The following EVA1A variants were observed in gnomAD, a reference collection of about 807,000 sequenced individuals.
The protein encoded by EVA1A is protein eva-1 homolog A.
In EVA1A, 7 loss-of-function variants were observed where a neutral mutation model predicts 9.8. That is an observed-to-expected ratio of 0.71 (90% CI 0.41 to 1.34). The LOEUF (loss-of-function observed/expected upper bound fraction) is 1.34. Ranked by LOEUF, EVA1A falls within the 40% of genes most tolerant of loss-of-function variation. The probability of loss-of-function intolerance (pLI) is 0.01; values close to 1 mark genes in which losing one functional copy is unlikely to be tolerated. For missense variants in EVA1A, 206 were observed against 205.9 expected, an observed-to-expected ratio of 1.00 and a Z score of 0.00; for synonymous variants, 90 against 85.6, an observed-to-expected ratio of 1.05 and a Z score of -0.28.
intron 3 of EVA1A, among the ~76,000 whole-genome samples, chr2:75,509,732 T>C (rs1674744156): frequency 6.6e-6 from 1 of 152,146 alleles, no homozygotes; most frequent in Non-Finnish European, 1.5e-5. Flanking sequence ...CTCACACCTA[T>C]TTTACAAAAA....
At chr2:75,530,636 A>G (rs1675613429) in intron 1 of EVA1A, among the ~76,000 whole-genome samples, 1 of 152,214 alleles carries the variant, frequency 6.6e-6, no homozygotes, top group Non-Finnish European at 1.5e-5. Context: ...ACATAAACAG[A>G]ATTAAAAACA....
intron 1 of EVA1A, among the ~76,000 whole-genome samples, chr2:75,567,129 G>A (rs774922725): frequency 2.0e-5 from 3 of 152,096 alleles, no homozygotes; most frequent in African/African-American, 7.2e-5. Context: ...TACATGGGCC[G>A]CAAAAAGTTG....
chr2:75,553,600 C>A lies in EVA1A; in HGVS notation c.-192+7080G>T, dbSNP rs115004920. Among the ~76,000 whole-genome samples the A allele has an allele frequency of 4.2e-3, 644 of 152,324 alleles. 7 individuals carry two copies. Among genetic ancestry groups the A allele is most frequent in the African/African-American group, 0.015 (613 of 41,584 alleles). On this transcript the variant is annotated intron_variant, in intron 1 of 3. Coordinates refer to ENST00000393913, the MANE Select transcript of EVA1A (RefSeq NM_001135032.2). ...GTTGGCAGCTTGAGCTGAGCAGACA[C>A]ACCAAGGCCACCAAGCTGTCTCTGT...
intron 3 of EVA1A, among the ~76,000 whole-genome samples, chr2:75,515,102 T>C (rs1208795901): frequency 6.6e-6 from 1 of 152,258 alleles, no homozygotes; most frequent in Non-Finnish European, 1.5e-5. Context: ...GTATTTCTTC[T>C]TTTGCAAACT....
At chr2:75,507,705 G>A (rs1674666510) in intron 3 of EVA1A, among the ~76,000 whole-genome samples, 1 of 152,058 alleles carries the variant, frequency 6.6e-6, no homozygotes, top group Non-Finnish European at 1.5e-5. Context: ...GCCCAAAACG[G>A]CCCTTCAGAA....
chr2:75,503,495 C>T lies in EVA1A; in HGVS notation c.86-9886G>A, dbSNP rs139284419. On this transcript the variant is annotated intron_variant, in intron 3 of 3. Coordinates refer to ENST00000393913, the MANE Select transcript of EVA1A (RefSeq NM_001135032.2). ...GTCCTGAAGCTAATTTCATTTGCACCCTCAGAGGTCAGATCATGCCCAACA... is the reference window on the plus strand; with the variant it reads ...GTCCTGAAGCTAATTTCATTTGCACTCTCAGAGGTCAGATCATGCCCAACA... Among the ~76,000 whole-genome samples, 295 of 152,244 alleles carry T rather than the reference C, an allele frequency of 1.9e-3. 1 individual carries two copies. The highest frequency in any genetic ancestry group is 6.7e-3 in the African/African-American group (279 of 41,530).
chr2:75,543,679 A>G (rs1676220932), intron 1 of EVA1A, among the ~76,000 whole-genome samples: 1 of 152,080 alleles, frequency 6.6e-6, no homozygotes, highest in Admixed American at 6.6e-5. Flanking sequence ...GGCGGCTTCT[A>G]CCTGAGACCT....
intron 1 of EVA1A, among the ~76,000 whole-genome samples, chr2:75,539,133 T>G (rs1676022982): frequency 6.6e-6 from 1 of 152,212 alleles, no homozygotes; most frequent in Non-Finnish European, 1.5e-5. Flanking sequence ...AATCTGCACA[T>G]TAAATCTTGA....
rs1320237587 is a variant in EVA1A, at chr2:75,518,049, C to A, written c.85+7G>T. 3 of 1,613,740 alleles carry A rather than the reference C, an allele frequency of 1.9e-6. No individual in the cohort carries two copies. Among genetic ancestry groups the A allele is most frequent in the African/African-American group, 1.3e-5 (1 of 74,916 alleles). On this transcript the variant is annotated splice_region_variant and intron_variant, in intron 3 of 3. Coordinates refer to ENST00000393913, the MANE Select transcript of EVA1A (RefSeq NM_001135032.2). ...CAGTCCTGGCCCAGTGGAAACCAGG[C>A]ACCTACCTGAGACAAAGGAATAGGC...
intron 3 of EVA1A, among the ~76,000 whole-genome samples, chr2:75,516,319 C>T (rs1558677582): frequency 1.3e-5 from 2 of 151,990 alleles, no homozygotes; most frequent in Non-Finnish European, 2.9e-5. Flanking sequence ...GATTTTCAGT[C>T]ACTGAGTCTA....
At chr2:75,507,929 T>C (rs1009748433) in intron 3 of EVA1A, among the ~76,000 whole-genome samples, 1 of 152,226 alleles carries the variant, frequency 6.6e-6, no homozygotes, top group African/African-American at 2.4e-5. Flanking sequence ...GAACATGAAT[T>C]GTGAAGATTT....
intron 1 of EVA1A, among the ~76,000 whole-genome samples, chr2:75,549,008 ATTTTTT>A (rs10552575): frequency 2.8e-4 from 24 of 85,386 alleles, no homozygotes; most frequent in African/African-American, 8.1e-4. Context: ...ATATATATAT[ATTTTTT>A]TTTTTTTTAC....
chr2:75,530,536 C>CA (rs938106304), intron 1 of EVA1A, among the ~76,000 whole-genome samples: 15 of 151,616 alleles, frequency 9.9e-5, no homozygotes, highest in East Asian at 5.8e-4. Flanking sequence ...AACAGTATAT[C>CA]AAAAAAAATA....
chr2:75,521,830 A>G (rs970216346), intron 2 of EVA1A, among the ~76,000 whole-genome samples: 1 of 152,230 alleles, frequency 6.6e-6, no homozygotes, highest in African/African-American at 2.4e-5. Flanking sequence ...GAATTTTGTT[A>G]TATGTATTTT....
At chr2:75,546,425 A>G (rs1395864296) in intron 1 of EVA1A, among the ~76,000 whole-genome samples, 2 of 152,150 alleles carry the variant, frequency 1.3e-5, no homozygotes, top group African/African-American at 4.8e-5. Context: ...AATGCAGTGA[A>G]TGAAGATGAG....
upstream of EVA1A, among the ~76,000 whole-genome samples, chr2:75,564,779 C>T (rs1383962030): frequency 3.3e-5 from 5 of 152,196 alleles, no homozygotes; most frequent in African/African-American, 4.8e-5. Context: ...ACTCCATCTG[C>T]ATTTGCATAG....
At chr2:75,544,584 A>C (rs1021560849) in intron 1 of EVA1A, among the ~76,000 whole-genome samples, 8 of 152,228 alleles carry the variant, frequency 5.3e-5, no homozygotes, top group African/African-American at 1.9e-4. Context: ...AAAGGCTTTA[A>C]GTGATTACTA....
At chr2:75,523,060 A>G (rs1675287882) in intron 1 of EVA1A, among the ~76,000 whole-genome samples, 1 of 152,226 alleles carries the variant, frequency 6.6e-6, no homozygotes, top group Non-Finnish European at 1.5e-5. Context: ...AGCTTGCAGG[A>G]AGAATGAAAT....
intron 1 of EVA1A, among the ~76,000 whole-genome samples, chr2:75,531,864 C>T (rs1458294171): frequency 1.3e-5 from 2 of 152,104 alleles, no homozygotes; most frequent in Non-Finnish European, 2.9e-5. Context: ...CATTAAAGAA[C>T]TTATCCACGT....
Sources: allele counts gnomAD v4.1 joint callset (sites outside exome capture counted in the v4.1 genomes callset), GRCh38; gene constraint gnomAD v4.1.1; transcripts MANE v1.5; gene names NCBI Gene and HGNC (gene_info 2026-07-23, HGNC 2026-07-21).